Variants in DST observed in about 807,000 individuals in gnomAD.
DST encodes the protein dystonin.
DST carries 253 observed loss-of-function variants against 875.2 expected under a neutral mutation model. The ratio of observed to expected loss-of-function variants is 0.29; its 90% CI spans 0.26 to 0.32. The LOEUF is 0.32. Ranked by LOEUF, DST falls within the 10% of genes least tolerant of loss-of-function variation. The pLI is 1.00. For synonymous variants in DST, 3,124 were observed against 3,197.1 expected, an observed-to-expected ratio of 0.98 and a Z score of 0.77; for missense variants, 8,287 against 9,111.6, an observed-to-expected ratio of 0.91 and a Z score of 3.68.
Position 56,526,400 on chromosome 6 carries a change from C to G in DST, c.18090G>C (p.Lys6030Asn). 1.2e-6 allele frequency: 2 copies of G among 1,613,860 alleles called. No homozygotes were observed. The highest frequency in any genetic ancestry group is 1.7e-6 in the Non-Finnish European group (2 of 1,179,814). Residue 6030 changes from lysine (K) to asparagine (N), a missense_variant, in exon 69 of 104, where the codon AAG becomes AAC. By Grantham distance (94) the Lys-to-Asn change is moderately conservative. Coordinates refer to ENST00000680361, the MANE Select transcript of DST (RefSeq NM_001374736.1). ...GAATGGCTGCATCGATCTCCTCCACCTTCTGAGTGATGGTGTCGCTCACTA... is the reference window on the plus strand; with the variant it reads ...GAATGGCTGCATCGATCTCCTCCACGTTCTGAGTGATGGTGTCGCTCACTA... ...YRLVSDTITQ[K>N]VEEIDAAILR...
chr6:56,830,867 C>T (rs1000451172), intron 4 of DST, among the ~76,000 whole-genome samples: 5 of 152,182 alleles, frequency 3.3e-5, no homozygotes, highest in African/African-American at 9.6e-5. Context: ...CTATAGTCCA[C>T]ATTATTAATG....
chr6:56,803,854 C>T (rs1377048075), intron 4 of DST, among the ~76,000 whole-genome samples: 2 of 152,146 alleles, frequency 1.3e-5, no homozygotes, highest in Non-Finnish European at 2.9e-5. Flanking sequence ...TTCTTTGTAA[C>T]CCAATCTCCA....
intron 36 of DST, chr6:56,620,234 T>A (rs1440075369): frequency 1.2e-6 from 2 of 1,614,002 alleles, no homozygotes; most frequent in Non-Finnish European, 1.7e-6. Context: ...TTTTTGTTGC[T>A]CCAAATCATT....
chr6:56,541,743 G>T (rs1225762334), intron 61 of DST, among the ~76,000 whole-genome samples: 1 of 152,158 alleles, frequency 6.6e-6, no homozygotes, highest in Non-Finnish European at 1.5e-5. Context: ...GTCATCAGCA[G>T]TGCATCAGTA....
chr6:56,780,116 A>T (rs1013469391), intron 4 of DST, among the ~76,000 whole-genome samples: 1 of 151,828 alleles, frequency 6.6e-6, no homozygotes, highest in African/African-American at 2.4e-5. Flanking sequence ...TTCTGAATCC[A>T]GTCTATCATT....
rs769786699 is a variant in DST, at chr6:56,618,688, A to T, written c.4930-4204T>A. On this transcript the variant is annotated intron_variant, in intron 36 of 103. Transcript: ENST00000680361. ...CTTGGGCTCTAGAGTTTTCTTGTTGAAGAGACACAAAGTCAAGCCTAATGC... is the reference window on the plus strand; with the variant it reads ...CTTGGGCTCTAGAGTTTTCTTGTTGTAGAGACACAAAGTCAAGCCTAATGC... The T allele has an allele frequency of 7.1e-5, 115 of 1,613,608 alleles. No individual in the cohort carries two copies. Among genetic ancestry groups the T allele is most frequent in the Non-Finnish European group, 8.7e-5 (103 of 1,179,930 alleles).
At chr6:56,581,636 G>A (rs2097997830) in intron 49 of DST, among the ~76,000 whole-genome samples, 2 of 152,180 alleles carry the variant, frequency 1.3e-5, no homozygotes, top group Non-Finnish European at 2.9e-5. Flanking sequence ...CTGCAAAAGT[G>A]GGCTGCCTGG....
intron 3 of DST, among the ~76,000 whole-genome samples, chr6:56,868,559 C>T (rs1003181885): frequency 6.6e-6 from 1 of 151,852 alleles, no homozygotes; most frequent in African/African-American, 2.4e-5. Context: ...ACTCACCGTC[C>T]TCTCAAAAAA....
intron 2 of DST, among the ~76,000 whole-genome samples, chr6:56,905,725 T>C (rs1307727401): frequency 6.6e-6 from 1 of 152,054 alleles, no homozygotes; most frequent in African/African-American, 2.4e-5. Context: ...CTCGGCTCAC[T>C]GCAACCTCCA....
chr6:56,901,620 A>T (rs1028616952), intron 2 of DST, among the ~76,000 whole-genome samples: 11 of 150,050 alleles, frequency 7.3e-5, no homozygotes, highest in Admixed American at 1.3e-4. Context: ...TAAGATAAAA[A>T]ATATATATAT....
intron 2 of DST, among the ~76,000 whole-genome samples, chr6:56,901,686 T>C (rs566911167): frequency 6.6e-5 from 10 of 152,268 alleles, no homozygotes; most frequent in Non-Finnish European, 1.2e-4. Context: ...TATATACATG[T>C]AAAATTCTAA....
chr6:56,568,437 G>A (rs2097720244), intron 55 of DST, 32 bp downstream of exon 55: 1 of 1,576,954 alleles, frequency 6.3e-7, no homozygotes, highest in African/African-American at 1.4e-5. Flanking sequence ...CTGATTCTTA[G>A]TTTTTGCCAT....
chr6:56,476,515 A>T (rs943444712), intron 91 of DST, among the ~76,000 whole-genome samples, 178 bp from the exon 92 acceptor site: 1 of 152,220 alleles, frequency 6.6e-6, no homozygotes, highest in African/African-American at 2.4e-5. Flanking sequence ...AGGACATGAG[A>T]GCCCACGATG....
At chr6:56,501,362 T>G in intron 79 of DST, 127 bp from the exon 80 acceptor site, 2 of 1,165,344 alleles carry the variant, frequency 1.7e-6, no homozygotes, top group South Asian at 3.8e-5. Flanking sequence ...TGAAGCCTAA[T>G]CATCATATCC....
chr6:56,742,178 T>A (rs1377193084), intron 4 of DST: 2 of 746,140 alleles, frequency 2.7e-6, no homozygotes, highest in Non-Finnish European at 4.1e-6. Flanking sequence ...GACAATCAGC[T>A]GAACTATCGC....
At chr6:56,951,132 G>A (rs1018545907) in intron 2 of DST, among the ~76,000 whole-genome samples, 4 of 152,138 alleles carry the variant, frequency 2.6e-5, no homozygotes, top group East Asian at 1.9e-4. Context: ...CTTCCTGGGC[G>A]TGTGGGTACC....
At chr6:56,833,725 C>G (rs2099790167) in intron 4 of DST, among the ~76,000 whole-genome samples, 2 of 151,912 alleles carry the variant, frequency 1.3e-5, no homozygotes, top group African/African-American at 4.8e-5. Context: ...CAAAATAGTA[C>G]TTAAGAATGC....
intron 3 of DST, among the ~76,000 whole-genome samples, chr6:56,879,635 C>T (rs1781150721): frequency 6.6e-6 from 1 of 151,924 alleles, no homozygotes; most frequent in Non-Finnish European, 1.5e-5. Flanking sequence ...TGGTTAATTC[C>T]ATCTTATATC....
rs1374895234 is a variant in DST, at chr6:56,593,997, G to C, written c.12392C>G (p.Ser4131Cys). Residue 4131 changes from serine (S) to cysteine (C), a missense_variant, in exon 48 of 104, where the codon TCT becomes TGT. By Grantham distance (112) the Ser-to-Cys change is moderately radical. This residue lies in a region of DST where 1,513 missense variants were observed against 1,677.8 expected (regional missense o/e 0.90). Coordinates refer to ENST00000680361, the MANE Select transcript of DST (RefSeq NM_001374736.1). The part of the protein sequence containing the change: ...ESEKKMKLTH[S>C]LQEELEKFDA... ...AAACTTTTCTAATTCTTCCTGCAGA[G>C]AGTGAGTTAACTTCATTTTCTTCTC... 3 of 1,613,854 alleles carry C rather than the reference G, an allele frequency of 1.9e-6. No individual in the cohort carries two copies. The highest frequency in any genetic ancestry group is 1.3e-5 in the African/African-American group (1 of 75,022).
Sources: gnomAD v4.1 joint callset for allele counts (sites outside exome capture counted in the v4.1 genomes callset) on GRCh38, gnomAD v4.1.1 for gene constraint, gnomAD v4.1.1 regional missense constraint, MANE v1.5 for transcripts, NCBI Gene and HGNC (gene_info 2026-07-23, HGNC 2026-07-21) for gene names.